CCDC178: variants seen among roughly 807,000 people sequenced by gnomAD.
CCDC178 encodes the protein coiled-coil domain containing 178.
CCDC178 carries 126 observed loss-of-function variants against 117.4 expected under a neutral mutation model. That is an observed-to-expected ratio of 1.07 (90% CI 0.93 to 1.24). The LOEUF is 1.24. CCDC178 is among the 50% of genes most tolerant of loss of function. The pLI, the probability that CCDC178 is intolerant of heterozygous loss-of-function variation, is 0.00. For missense variants in CCDC178, 1,030 were observed against 986.9 expected (o/e 1.04, Z -0.59); for synonymous variants, 283 against 313.4 (o/e 0.90, Z 1.02).
At chr18:33,144,504 A>G (rs991262019) in intron 20 of CCDC178, among the ~76,000 whole-genome samples, 4 of 152,110 alleles carry the variant, frequency 2.6e-5, no homozygotes, top group Non-Finnish European at 4.4e-5. Context: ...AAGCAGCTCG[A>G]TTCAATGAAT....
At chr18:33,201,147 A>G (rs1022788214) in intron 20 of CCDC178, among the ~76,000 whole-genome samples, 3 of 152,220 alleles carry the variant, frequency 2.0e-5, no homozygotes, top group African/African-American at 7.2e-5. Context: ...CACCAAGTGA[A>G]ATGCAAACCA....
At chr18:33,083,274 C>T (rs2057325634) in intron 21 of CCDC178, among the ~76,000 whole-genome samples, 1 of 152,176 alleles carries the variant, frequency 6.6e-6, no homozygotes, top group Non-Finnish European at 1.5e-5. Context: ...CCCCATGCTA[C>T]ACTGTTCTGC....
intron 2 of CCDC178, among the ~76,000 whole-genome samples, chr18:33,414,639 G>A (rs964983999): frequency 1.3e-5 from 2 of 152,176 alleles, no homozygotes; most frequent in African/African-American, 4.8e-5. Flanking sequence ...CATAGGCATT[G>A]GCAAGGACTT....
rs1216398577 is a variant in CCDC178, at chr18:33,227,556, G to GTGTA, written c.1594-702_1594-701insTACA. Among the ~76,000 whole-genome samples, 9 of 110,966 alleles carry GTGTA rather than the reference G, an allele frequency of 8.1e-5. No homozygotes were observed. The East Asian group carries it at 1.9e-3, about 24-fold the overall frequency. The allele number at this position is 110,966 out of a possible 152,430, so 72.8% of individuals were successfully genotyped here. On this transcript the variant is annotated intron_variant, in intron 15 of 22. Transcript: ENST00000383096. ...TATGTGTGTGTGTGTGTGTGTGTGT[G>GTGTA]TATATATATATATATATATATATAC...
At chr18:32,948,708 C>A (rs1455987447) in intron 22 of CCDC178, among the ~76,000 whole-genome samples, 1 of 152,036 alleles carries the variant, frequency 6.6e-6, no homozygotes, top group Non-Finnish European at 1.5e-5. Flanking sequence ...TATTGTCATA[C>A]TTTTTACTTA....
chr18:33,003,365 A>G (rs1446252655), intron 21 of CCDC178, among the ~76,000 whole-genome samples: 1 of 152,212 alleles, frequency 6.6e-6, no homozygotes, highest in Admixed American at 6.5e-5. Context: ...TCCCAGGGAT[A>G]TAAGGATGGT....
intron 6 of CCDC178, among the ~76,000 whole-genome samples, chr18:33,361,625 T>A (rs2063129150): frequency 6.6e-6 from 1 of 151,646 alleles, no homozygotes; most frequent in African/African-American, 2.4e-5. Context: ...AAAAACCAAA[T>A]AACCTGATTT....
At chr18:33,338,426 TATATGAAAAAG>T (rs1436639574) in intron 9 of CCDC178, among the ~76,000 whole-genome samples, 2 of 151,962 alleles carry the variant, frequency 1.3e-5, no homozygotes, top group Non-Finnish European at 2.9e-5. Context: ...GGAAAAGAAG[TATATGAAAAAG>T]ATACTTGCAA....
At chr18:33,050,677 C>T (rs2056730436) in intron 21 of CCDC178, among the ~76,000 whole-genome samples, 3 of 152,132 alleles carry the variant, frequency 2.0e-5, no homozygotes, top group Admixed American at 2.0e-4. Flanking sequence ...GATTAAGGAG[C>T]TAGTGCATCT....
chr18:33,122,233 T>C (rs2057946410), intron 20 of CCDC178, among the ~76,000 whole-genome samples: 1 of 152,140 alleles, frequency 6.6e-6, no homozygotes, highest in Admixed American at 6.6e-5. Context: ...GGTAATCTCC[T>C]TGCTGGGGAT....
chr18:33,082,163 A>T (rs2057307808), intron 21 of CCDC178, among the ~76,000 whole-genome samples: 1 of 152,206 alleles, frequency 6.6e-6, no homozygotes, highest in Non-Finnish European at 1.5e-5. Flanking sequence ...AGGTGTACAC[A>T]GGTATACACA....
intron 21 of CCDC178, among the ~76,000 whole-genome samples, chr18:33,023,597 A>G (rs2056165726): frequency 6.6e-6 from 1 of 152,154 alleles, no homozygotes; most frequent in Non-Finnish European, 1.5e-5. Flanking sequence ...AATTAATAGC[A>G]CTAGGTGCAT....
intron 2 of CCDC178, among the ~76,000 whole-genome samples, chr18:33,427,240 A>C (rs1438525594): frequency 1.3e-5 from 2 of 152,064 alleles, no homozygotes; most frequent in Non-Finnish European, 2.9e-5. Flanking sequence ...TCAAATATTG[A>C]CTATTATTTT....
At chr18:33,132,981 T>C (rs2058084197) in intron 20 of CCDC178, among the ~76,000 whole-genome samples, 1 of 151,796 alleles carries the variant, frequency 6.6e-6, no homozygotes, top group African/African-American at 2.4e-5. Flanking sequence ...TATACAAGAT[T>C]CTATTTTAAG....
chr18:33,259,423 T>C (rs1005663785), intron 14 of CCDC178, among the ~76,000 whole-genome samples: 3 of 152,180 alleles, frequency 2.0e-5, no homozygotes, highest in East Asian at 1.9e-4. Context: ...TGAGGCTTCA[T>C]GGACTCACAG....
chr18:32,958,362 A>G (rs1446062033), intron 22 of CCDC178: 3 of 346,910 alleles, frequency 8.6e-6, no homozygotes, highest in Non-Finnish European at 1.6e-5. Flanking sequence ...CTGGGAAAAG[A>G]TAATTAAATT....
At chr18:33,394,668 T>C (rs2063607693) in intron 4 of CCDC178, among the ~76,000 whole-genome samples, 1 of 151,782 alleles carries the variant, frequency 6.6e-6, no homozygotes, top group African/African-American at 2.4e-5. Context: ...CAGAATTATA[T>C]TTTCCTTAAG....
At chr18:33,311,986 C>T (rs757387113) in intron 11 of CCDC178, among the ~76,000 whole-genome samples, 34 of 152,114 alleles carry the variant, frequency 2.2e-4, no homozygotes, top group Non-Finnish European at 2.1e-4. Flanking sequence ...AAGGGATAGT[C>T]CTAGTAATTA....
chr18:33,194,602 C>G (rs2058902595), intron 20 of CCDC178, among the ~76,000 whole-genome samples: 1 of 152,146 alleles, frequency 6.6e-6, no homozygotes, highest in African/African-American at 2.4e-5. Context: ...ACCTGTTGAA[C>G]TTTCGTACTT....
Sources: gnomAD v4.1 joint callset for allele counts (sites outside exome capture counted in the v4.1 genomes callset) on GRCh38, gnomAD v4.1.1 for gene constraint, MANE v1.5 for transcripts, NCBI Gene and HGNC (gene_info 2026-07-23, HGNC 2026-07-21) for gene names.